Variants in ARHGAP8 observed in about 807,000 individuals in gnomAD.
The protein encoded by ARHGAP8 is rho GTPase-activating protein 8.
A neutral mutation model predicts 46.1 loss-of-function variants in ARHGAP8; 62 were observed. The observed-to-expected ratio is 1.34, with a 90% CI of 1.10 to 1.66. The LOEUF (loss-of-function observed/expected upper bound fraction) is 1.66, where lower values mean the gene tolerates loss of function less well. Ranked by LOEUF, ARHGAP8 falls within the 40% of genes most tolerant of loss-of-function variation. The pLI is 0.00. For synonymous variants in ARHGAP8, 375 were observed against 243.1 expected (o/e 1.54, Z -5.05); for missense variants, 923 against 568.4 (o/e 1.62, Z -6.34).
chr22:44,842,928 C>G (rs1398526827), intron 7 of ARHGAP8, among the ~76,000 whole-genome samples: 1 of 152,192 alleles, frequency 6.6e-6, no homozygotes, highest in African/African-American at 2.4e-5. Flanking sequence ...TTGTGTGTGT[C>G]CAGCATTGTG....
Position 44,830,343 on chromosome 22 carries a change from A to AT in ARHGAP8, c.596+4757dup, listed in dbSNP as rs758626350. 6.9e-5 allele frequency among the ~76,000 whole-genome samples: 10 copies of AT among 145,642 alleles called. No homozygotes were observed. In the East Asian group the frequency reaches 1.7e-3, roughly 24 times the overall value. On this transcript the variant is annotated intron_variant, in intron 7 of 11. Transcript: ENST00000356099. ...CCGGCTGTTACTGTTTTTTATTTTTATTTTTTTAGACAGAATCTCGCTCCA... is the reference window on the plus strand; with the variant it reads ...CCGGCTGTTACTGTTTTTTATTTTTATTTTTTTTAGACAGAATCTCGCTCCA...
In ARHGAP8 at chr22:44,786,608, T is replaced by TAGGG; in HGVS notation, c.79+3_79+6dup. ...GACATGGCATTCTGCAGGTGGCAGG[T>TAGGG]AGGGCCCCAGCTGGGCAGTCTGCAG... On this transcript the variant is annotated splice_region_variant and intron_variant, in intron 2 of 11. Transcript: ENST00000356099. 3 of 1,612,668 alleles carry TAGGG rather than the reference T, an allele frequency of 1.9e-6. No individual in the cohort carries two copies. The South Asian group carries it at 3.3e-5, about 18-fold the overall frequency.
intron 1 of ARHGAP8, among the ~76,000 whole-genome samples, chr22:44,785,031 A>C (rs9614928): frequency 6.6e-6 from 1 of 152,090 alleles, no homozygotes; most frequent in Non-Finnish European, 1.5e-5. Flanking sequence ...GGACTGGGGT[A>C]GACCGGGACT....
chr22:44,848,119 A>G, intron 9 of ARHGAP8, 69 bp downstream of exon 9: 1 of 1,579,442 alleles, frequency 6.3e-7, no homozygotes, highest in Non-Finnish European at 8.6e-7. Flanking sequence ...GGGGCCTCAG[A>G]GCGGAGGCAG....
chr22:44,784,132 G>A (rs1317040212), intron 1 of ARHGAP8, among the ~76,000 whole-genome samples: 1 of 152,074 alleles, frequency 6.6e-6, no homozygotes, highest in Non-Finnish European at 1.5e-5. Flanking sequence ...TGCCAGCCAC[G>A]GTGACTCACA....
At chr22:44,845,672 G>T (rs2069936602) in intron 8 of ARHGAP8, among the ~76,000 whole-genome samples, 1 of 152,192 alleles carries the variant, frequency 6.6e-6, no homozygotes, top group Admixed American at 6.5e-5. Flanking sequence ...AGCACTTCGG[G>T]CAGTGCTGGT....
chr22:44,757,222 A>G (rs931452157), intron 1 of ARHGAP8, among the ~76,000 whole-genome samples: 4 of 151,278 alleles, frequency 2.6e-5, no homozygotes, highest in Non-Finnish European at 5.9e-5. Flanking sequence ...GGCAGCAACA[A>G]GTTCTTAATA....
chr22:44,812,705 G>C (rs5766052), intron 4 of ARHGAP8, among the ~76,000 whole-genome samples: 38,791 of 151,918 alleles, frequency 0.26, 5,672 homozygotes, highest in South Asian at 0.39. Context: ...GAGATGCTTT[G>C]AGATTATATA....
At chr22:44,770,770 G>A (rs1925941100) in intron 1 of ARHGAP8, among the ~76,000 whole-genome samples, 1 of 152,168 alleles carries the variant, frequency 6.6e-6, no homozygotes, top group South Asian at 2.1e-4. Context: ...TAAATCTTGT[G>A]ACCTCCAGGA....
intron 1 of ARHGAP8, among the ~76,000 whole-genome samples, chr22:44,777,896 A>G (rs1279646312): frequency 6.6e-6 from 1 of 152,116 alleles, no homozygotes; most frequent in African/African-American, 2.4e-5. Flanking sequence ...GGGTTTTACC[A>G]TGTTGGCTAG....
intron 1 of ARHGAP8, among the ~76,000 whole-genome samples, chr22:44,761,125 C>T (rs961109309): frequency 3.3e-5 from 5 of 152,208 alleles, no homozygotes; most frequent in Admixed American, 6.5e-5. Context: ...TGAGCAAATC[C>T]AGGCATGGGC....
At chr22:44,813,634 C>T (rs1439570026) in intron 4 of ARHGAP8, among the ~76,000 whole-genome samples, 2 of 151,722 alleles carry the variant, frequency 1.3e-5, no homozygotes, top group East Asian at 1.9e-4. Context: ...TATATCTACA[C>T]ACACCTACAC....
intron 7 of ARHGAP8, among the ~76,000 whole-genome samples, chr22:44,838,382 C>T (rs534119028): frequency 5.3e-5 from 8 of 152,142 alleles, no homozygotes; most frequent in South Asian, 4.1e-4. Context: ...GTGATCTGCC[C>T]ATGTCTGCCT....
At chr22:44,809,782 T>C (rs1179048116) in intron 4 of ARHGAP8, 2 of 152,754 alleles carry the variant, frequency 1.3e-5, no homozygotes, top group Non-Finnish European at 2.9e-5. Context: ...GTTTTCCTTC[T>C]TCAAAGTCCT....
rs2070554061 is a variant in ARHGAP8 at position 44,862,587 on chromosome 22, C to CATACA, written c.1294_1295insATACA (p.Arg432HisfsTer27). On this transcript the variant is annotated frameshift_variant, in exon 12 of 12. Coordinates refer to ENST00000356099, the MANE Select transcript of ARHGAP8 (RefSeq NM_181335.3). LOFTEE classifies it high-confidence loss of function. Reference sequence around the variant, plus strand: ...GAGTCCCCTGATGGCAGCCAGAAGACGTCTCTAGTGTTGCGAACACTCTGT... The same window carrying CATACA: ...GAGTCCCCTGATGGCAGCCAGAAGACATACAGTCTCTAGTGTTGCGAACACTCTGT... 1 of 1,580,330 alleles carries CATACA rather than the reference C, an allele frequency of 6.3e-7. No homozygotes were observed. Among genetic ancestry groups the CATACA allele is most frequent in the Non-Finnish European group, 8.6e-7 (1 of 1,158,498 alleles).
intron 3 of ARHGAP8, among the ~76,000 whole-genome samples, chr22:44,803,269 C>T (rs764955065): frequency 6.6e-6 from 1 of 152,282 alleles, no homozygotes; most frequent in South Asian, 2.1e-4. Flanking sequence ...ACAGCTGGTA[C>T]AGGGTGGGGG....
At chr22:44,801,243 C>T (rs1434991894) in intron 2 of ARHGAP8, among the ~76,000 whole-genome samples, 2 of 96,670 alleles carry the variant, frequency 2.1e-5, no homozygotes, top group Non-Finnish European at 4.0e-5. Context: ...TGTGTGGGGG[C>T]GCCTCTCCCC....
At chr22:44,825,333 G>A (rs1397218144) in intron 6 of ARHGAP8, 150 bp from the exon 7 acceptor site, 14 of 696,926 alleles carry the variant, frequency 2.0e-5, no homozygotes, top group Middle Eastern at 4.1e-4. Context: ...GTGTATGTGA[G>A]TGTGTGTGTG....
At chr22:44,804,456 T>C (rs186835159) in intron 3 of ARHGAP8, among the ~76,000 whole-genome samples, 1 of 152,106 alleles carries the variant, frequency 6.6e-6, no homozygotes, top group Admixed American at 6.5e-5. Flanking sequence ...GGCCTTGGAA[T>C]TTGCTCCCCG....
Sources: allele counts gnomAD v4.1 joint callset (sites outside exome capture counted in the v4.1 genomes callset), GRCh38; gene constraint gnomAD v4.1.1; transcripts MANE v1.5; gene names NCBI Gene and HGNC (gene_info 2026-07-23, HGNC 2026-07-21).